PCDH15: variants seen among roughly 807,000 people sequenced by gnomAD.
PCDH15 encodes the protein protocadherin related 15, also known as protocadherin-15.
PCDH15 carries 129 observed loss-of-function variants against 178.5 expected under a neutral mutation model. That is an observed-to-expected ratio of 0.72 (90% confidence interval 0.63 to 0.84). The LOEUF is 0.84. Ranked by LOEUF, PCDH15 falls within the 40% of genes least tolerant of loss-of-function variation. The pLI, the probability that PCDH15 is intolerant of heterozygous loss-of-function variation, is 0.00. For synonymous variants in PCDH15, 800 were observed against 732.0 expected (o/e 1.09, Z -1.50); for missense variants, 2,230 against 2,099.9 (o/e 1.06, Z -1.21).
In PCDH15 at chr10:55,432,082, AACACACACAC is replaced by A. The variant is rs58866288; in HGVS notation, c.-156+195533_-156+195542del. Reference sequence around the variant, plus strand: ...TTGGGATAGGCAGAGCTATCATTTAAACACACACACACACACACACACACACACACACCAC... The same window carrying A: ...TTGGGATAGGCAGAGCTATCATTTAAACACACACACACACACACACACCAC... On this transcript the variant is annotated intron_variant, in intron 2 of 5. Coordinates refer to the PCDH15 transcript ENST00000613346. 5.0e-3 allele frequency among the ~76,000 whole-genome samples: 741 copies of A among 148,494 alleles called. 7 individuals are homozygous for A. The highest frequency in any genetic ancestry group is 0.017 in the African/African-American group (697 of 40,660).
chr10:55,381,597 T>C (rs1837535658), intron 2 of PCDH15, among the ~76,000 whole-genome samples: 1 of 151,898 alleles, frequency 6.6e-6, no homozygotes, highest in Admixed American at 6.6e-5. Context: ...TCTAAGCCCA[T>C]GATGGGAAGG....
At chr10:54,464,337 G>A (rs192292152) in intron 3 of PCDH15, among the ~76,000 whole-genome samples, 34 of 152,130 alleles carry the variant, frequency 2.2e-4, no homozygotes, top group African/African-American at 7.9e-4. Flanking sequence ...CAAAAAGTTC[G>A]AAACAGAGTG....
intron 8 of PCDH15, among the ~76,000 whole-genome samples, chr10:54,260,537 A>G (rs1364761082): frequency 6.6e-6 from 1 of 152,084 alleles, no homozygotes; most frequent in Non-Finnish European, 1.5e-5. Context: ...AACATTCATA[A>G]TGGTTTCAGT....
chr10:55,556,194 A>G (rs558049817), intron 2 of PCDH15, among the ~76,000 whole-genome samples: 1 of 152,168 alleles, frequency 6.6e-6, no homozygotes, highest in South Asian at 2.1e-4. Flanking sequence ...TTACTTATTT[A>G]TTGCCCTAGT....
chr10:55,487,168 C>A (rs142219272), intron 2 of PCDH15, among the ~76,000 whole-genome samples: 4 of 151,488 alleles, frequency 2.6e-5, no homozygotes, highest in African/African-American at 9.7e-5. Flanking sequence ...ATTGTTTGAC[C>A]AATTATTCTG....
intron 3 of PCDH15, among the ~76,000 whole-genome samples, chr10:54,423,268 G>A (rs1955789105): frequency 6.6e-6 from 1 of 151,974 alleles, no homozygotes; most frequent in Admixed American, 6.6e-5. Context: ...TACTAAATTA[G>A]CAAAAGATTC....
At chr10:55,594,337 T>C (rs1842900868) in intron 2 of PCDH15, among the ~76,000 whole-genome samples, 1 of 151,822 alleles carries the variant, frequency 6.6e-6, no homozygotes, top group South Asian at 2.1e-4. Flanking sequence ...TTGATGCAAA[T>C]AAATAAGAAC....
chr10:54,332,249 T>TAA (rs955663992), intron 6 of PCDH15, among the ~76,000 whole-genome samples: 3 of 91,808 alleles, frequency 3.3e-5, no homozygotes, highest in African/African-American at 1.3e-4. Flanking sequence ...AATATATATA[T>TAA]AATCTATATT....
rs759609948 is a variant in PCDH15, at chr10:54,664,909, T to TAA, written c.-28-621_-28-620dup. ...TTTTACTTTTCAATCCCCAGCAAGTTAAAAAAAAAAAAAAAAGAAAGAAAA... is the reference window on the plus strand; with the variant it reads ...TTTTACTTTTCAATCCCCAGCAAGTTAAAAAAAAAAAAAAAAAAGAAAGAAAA... On this transcript the variant is annotated intron_variant, in intron 1 of 37. Transcript: ENST00000644397. Among the ~76,000 whole-genome samples the TAA allele has an allele frequency of 4.0e-4, 50 of 126,330 alleles. No individual in the cohort carries two copies. The South Asian group carries it at 5.4e-3, about 14-fold the overall frequency. The allele number at this position is 126,330 out of a possible 152,430, so 82.9% of individuals were successfully genotyped here.
At chr10:54,622,585 T>TATATATA (rs1352042073) in intron 2 of PCDH15, among the ~76,000 whole-genome samples, 2 of 91,634 alleles carry the variant, frequency 2.2e-5, no homozygotes, top group African/African-American at 4.3e-5. Flanking sequence ...ATATATATAA[T>TATATATA]ATATATAATA....
At chr10:54,850,047 C>G (rs1390462748) in intron 3 of PCDH15, among the ~76,000 whole-genome samples, 2 of 152,074 alleles carry the variant, frequency 1.3e-5, no homozygotes, top group African/African-American at 4.8e-5. Flanking sequence ...GTCTAACAAT[C>G]TATGGATAAT....
intron 1 of PCDH15, among the ~76,000 whole-genome samples, chr10:54,798,345 T>C (rs189705919): frequency 3.0e-4 from 46 of 152,184 alleles, no homozygotes; most frequent in Non-Finnish European, 3.7e-4. Context: ...TCTCATGCTA[T>C]AGTGTTAACG....
intron 2 of PCDH15, among the ~76,000 whole-genome samples, chr10:55,140,569 AT>A (rs1249151982): frequency 2.0e-5 from 3 of 151,864 alleles, no homozygotes; most frequent in African/African-American, 7.2e-5. Flanking sequence ...AAGTTTTATT[AT>A]TTTTTATTTT....
intron 3 of PCDH15, among the ~76,000 whole-genome samples, chr10:54,481,407 A>ATGTG (rs137969568): frequency 1.6e-3 from 236 of 151,348 alleles, no homozygotes; most frequent in African/African-American, 5.3e-3. Context: ...TGATAAATAT[A>ATGTG]TGTGTGTGTG....
intron 3 of PCDH15, among the ~76,000 whole-genome samples, chr10:54,400,241 A>G (rs1312000293): frequency 1.3e-5 from 2 of 152,176 alleles, no homozygotes; most frequent in Non-Finnish European, 2.9e-5. Flanking sequence ...GTAATGTCCA[A>G]TAAAAGCCAG....
intron 3 of PCDH15, among the ~76,000 whole-genome samples, chr10:54,849,510 T>C (rs558838165): frequency 6.6e-5 from 10 of 152,312 alleles, no homozygotes; most frequent in East Asian, 5.8e-4. Context: ...TTCTGCCCTT[T>C]GTCACTCGGC....
rs1844628282 is a variant in PCDH15, at chr10:55,342,426, A to C, written c.-155-175775T>G. 2.0e-5 allele frequency among the ~76,000 whole-genome samples: 3 copies of C among 151,914 alleles called. No individual in the cohort carries two copies. In the South Asian group the frequency reaches 6.2e-4, roughly 31 times the overall value. On this transcript the variant is annotated intron_variant, in intron 2 of 5. Coordinates refer to the PCDH15 transcript ENST00000613346. Reference sequence around the variant, plus strand: ...TTAGGTCATAGAATTGTGCATAGTAATATTAATTTGTGTTTGTTTTACTTT... The same window carrying C: ...TTAGGTCATAGAATTGTGCATAGTACTATTAATTTGTGTTTGTTTTACTTT...
At chr10:55,045,369 T>C (rs770944248) in intron 2 of PCDH15, among the ~76,000 whole-genome samples, 1 of 152,088 alleles carries the variant, frequency 6.6e-6, no homozygotes, top group Non-Finnish European at 1.5e-5. Flanking sequence ...ACTTCCTTGA[T>C]GTCAGTGTTA....
At chr10:55,002,668 A>G (rs998327902) in intron 2 of PCDH15, among the ~76,000 whole-genome samples, 2 of 152,280 alleles carry the variant, frequency 1.3e-5, no homozygotes, top group African/African-American at 4.8e-5. Context: ...GACAATCAAA[A>G]TGGACTACTT....
Sources: gnomAD v4.1 joint callset for allele counts (sites outside exome capture counted in the v4.1 genomes callset) on GRCh38, gnomAD v4.1.1 for gene constraint, MANE v1.5 for transcripts, NCBI Gene and HGNC (gene_info 2026-07-23, HGNC 2026-07-21) for gene names.